The following SLC35D2 variants were observed in gnomAD, a reference collection of about 807,000 sequenced individuals.
SLC35D2 encodes nucleotide sugar transporter SLC35D2.
Under a neutral mutation model 41.8 loss-of-function variants are expected in SLC35D2, and 43 were observed. The observed-to-expected ratio is 1.03, with a 90% CI of 0.81 to 1.33. The LOEUF (loss-of-function observed/expected upper bound fraction) is 1.33. Among genes scored for constraint, SLC35D2 ranks in the 40% most tolerant of loss-of-function variants. The pLI, the probability that SLC35D2 is intolerant of heterozygous loss-of-function variation, is 0.00. For synonymous variants in SLC35D2, 150 were observed against 163.9 expected, an observed-to-expected ratio of 0.92 and a Z score of 0.65; for missense variants, 380 against 408.4, an observed-to-expected ratio of 0.93 and a Z score of 0.60.
chr9:96,372,438 T>C (rs1830740501), intron 1 of SLC35D2, among the ~76,000 whole-genome samples: 1 of 151,876 alleles, frequency 6.6e-6, no homozygotes, highest in Non-Finnish European at 1.5e-5. Context: ...ATAAAAAACA[T>C]CTTTGGGACA....
Position 96,345,385 on chromosome 9 carries a change from T to C in SLC35D2, c.505A>G (p.Asn169Asp). The stretch of plus-strand genomic sequence containing the variant: ...AATACAAAAATATAGCCTTCTAAGT[T>C]AAAAGCAAGGTCAGACCTGGGAGGG... ...FIAAGSDLAFNLEGYIFVFLN... is the reference protein window; with the variant it reads ...FIAAGSDLAFDLEGYIFVFLN... The change falls in exon 7 of 12, where the codon AAC (asparagine) becomes GAC (aspartate). Residue 169 changes from asparagine to aspartate, a missense_variant. Physicochemically the swap from Asn to Asp is conservative, Grantham distance 23. Transcript: ENST00000253270. 1 of 1,602,762 alleles carries C rather than the reference T, an allele frequency of 6.2e-7. No homozygotes were observed. Among genetic ancestry groups the C allele is most frequent in the Non-Finnish European group, 8.5e-7 (1 of 1,171,220 alleles).
At chr9:96,353,344 A>ATTATTTATTTATTTATTTATTTAT (rs71308273) in intron 4 of SLC35D2, among the ~76,000 whole-genome samples, 6 of 149,544 alleles carry the variant, frequency 4.0e-5, no homozygotes, top group African/African-American at 1.5e-4. Context: ...GCTGCAAAGG[A>ATTATTTATTTATTTATTTATTTAT]TTATTTATTT....
At chr9:96,355,516 G>A (rs1400642733) in intron 4 of SLC35D2, among the ~76,000 whole-genome samples, 1 of 144,348 alleles carries the variant, frequency 6.9e-6, no homozygotes, top group African/African-American at 2.6e-5. Context: ...TTTTTTTTTT[G>A]AGACGGAGTT....
At chr9:96,378,759 A>G (rs1478900909) in intron 1 of SLC35D2, among the ~76,000 whole-genome samples, 1 of 152,022 alleles carries the variant, frequency 6.6e-6, no homozygotes, top group African/African-American at 2.4e-5. Context: ...AAAAATTAAA[A>G]AAAAAAATTT....
intron 8 of SLC35D2, among the ~76,000 whole-genome samples, chr9:96,343,559 C>T (rs1406122378): frequency 1.3e-5 from 2 of 152,134 alleles, no homozygotes; most frequent in Non-Finnish European, 2.9e-5. Flanking sequence ...ATAAACAAAC[C>T]TATGTTTTAA....
intron 2 of SLC35D2, among the ~76,000 whole-genome samples, chr9:96,365,297 C>A (rs1830435124): frequency 6.6e-6 from 1 of 151,866 alleles, no homozygotes; most frequent in South Asian, 2.1e-4. Flanking sequence ...CTGCAGTGAG[C>A]CCAGTGAACT....
intron 2 of SLC35D2, among the ~76,000 whole-genome samples, chr9:96,365,031 C>A (rs895785735): frequency 2.1e-5 from 3 of 145,158 alleles, no homozygotes; most frequent in African/African-American, 7.7e-5. Flanking sequence ...GAGTGAGACA[C>A]CACTGTCTCA....
chr9:96,375,816 G>A (rs1194667040), intron 1 of SLC35D2, among the ~76,000 whole-genome samples: 6 of 151,642 alleles, frequency 4.0e-5, no homozygotes, highest in African/African-American at 1.2e-4. Context: ...TCAGGAGTTT[G>A]TGACCAGCCT....
chr9:96,358,105 T>TATATATATAC lies in SLC35D2; in HGVS notation c.347+2048_347+2049insGTATATATAT, dbSNP rs546410635. Among the ~76,000 whole-genome samples, 1,090 of 143,416 alleles carry TATATATATAC rather than the reference T, an allele frequency of 7.6e-3. 11 individuals carry two copies. The highest frequency in any genetic ancestry group is 0.029 in the Middle Eastern group (8 of 276). The allele number at this position is 143,416 out of a possible 152,430, so 94.1% of individuals were successfully genotyped here. A position where few individuals can be genotyped will look rare whatever the true frequency, so the allele number is the denominator to read the frequency against. The stretch of plus-strand genomic sequence containing the variant: ...TTATATATATATATATATATATATA[T>TATATATATAC]ATACCTGCAATGGAATATTAATCAG... On this transcript the variant is annotated intron_variant, in intron 4 of 11. Transcript: ENST00000253270.
chr9:96,322,368 A>G (rs1034706936), intron 10 of SLC35D2, among the ~76,000 whole-genome samples: 2 of 152,062 alleles, frequency 1.3e-5, no homozygotes, highest in South Asian at 4.1e-4. Flanking sequence ...AAAATTTTTT[A>G]AAAGTAGCCG....
chr9:96,345,193 T>C, intron 7 of SLC35D2, 106 bp downstream of exon 7: 1 of 612,884 alleles, frequency 1.6e-6, no homozygotes, highest in East Asian at 3.0e-5. Flanking sequence ...ACAGGTCATA[T>C]TATATAAATT....
At chr9:96,322,717 G>GTTTTTTTTTTTTT (rs57493593) in intron 10 of SLC35D2, among the ~76,000 whole-genome samples, 2 of 111,406 alleles carry the variant, frequency 1.8e-5, no homozygotes, top group Admixed American at 9.5e-5. Flanking sequence ...GTTTTCTGGG[G>GTTTTTTTTTTTTT]TTTTTTTTTT....
chr9:96,378,813 C>T (rs1304107314), intron 1 of SLC35D2, among the ~76,000 whole-genome samples: 1 of 151,988 alleles, frequency 6.6e-6, no homozygotes, highest in Middle Eastern at 3.2e-3. Context: ...CCTGTAGTCT[C>T]AGCTACTCAG....
At chr9:96,350,948 AG>A (rs1829785922) in intron 6 of SLC35D2, 154 bp downstream of exon 6, 1 of 560,690 alleles carries the variant, frequency 1.8e-6, no homozygotes, top group Admixed American at 3.1e-5. Context: ...TGACTTTCAT[AG>A]GAACACATGG....
At chr9:96,332,623 A>T (rs1828856372) in intron 9 of SLC35D2, among the ~76,000 whole-genome samples, 1 of 151,938 alleles carries the variant, frequency 6.6e-6, no homozygotes, top group African/African-American at 2.4e-5. Flanking sequence ...TGCTAAAAAT[A>T]CAAAAATTAG....
rs1280791388 is a variant in SLC35D2, at chr9:96,352,018, T to C, written c.419+20A>G. 1 of 1,568,238 alleles carries C rather than the reference T, an allele frequency of 6.4e-7. No individual in the cohort carries two copies. Among genetic ancestry groups the C allele is most frequent in the Non-Finnish European group, 8.8e-7 (1 of 1,139,936 alleles). On this transcript the variant is annotated intron_variant, in intron 5 of 11. Coordinates refer to ENST00000253270, the MANE Select transcript of SLC35D2 (RefSeq NM_007001.3). ...GTGGGTGGGAGGCACACTGGAAGAA[T>C]GGAGGAAAAACAAAATCACCCAAGT...
In SLC35D2 at chr9:96,320,946, A is replaced by T; in HGVS notation, c.*296T>A. The T allele has an allele frequency of 7.1e-6, 2 of 282,694 alleles. No individual in the cohort carries two copies. Among genetic ancestry groups the T allele is most frequent in the Non-Finnish European group, 1.3e-5 (2 of 149,276 alleles). The allele number at this position is 282,694 out of a possible 1,614,324, so 17.5% of individuals were successfully genotyped here. A position where few individuals can be genotyped will look rare whatever the true frequency, so the allele number is the denominator to read the frequency against. The stretch of plus-strand genomic sequence containing the variant: ...CTCCTCCCCAGCACACAGCACAGAG[A>T]TGCCACGAAGGCCCCATAGGTCCCT... On this transcript the variant is annotated 3_prime_UTR_variant, in exon 12 of 12. Coordinates refer to ENST00000253270, the MANE Select transcript of SLC35D2 (RefSeq NM_007001.3).
At chr9:96,332,277 G>A (rs1034389071) in intron 9 of SLC35D2, among the ~76,000 whole-genome samples, 44 of 152,184 alleles carry the variant, frequency 2.9e-4, no homozygotes, top group Admixed American at 7.9e-4. Flanking sequence ...CTTCGCACCC[G>A]TCAGGAGAGA....
At chr9:96,330,474 A>C (rs1413065959) in intron 9 of SLC35D2, among the ~76,000 whole-genome samples, 1 of 152,236 alleles carries the variant, frequency 6.6e-6, no homozygotes, top group Non-Finnish European at 1.5e-5. Context: ...GAATGAAGAC[A>C]GTAACAAAGA....
Sources: gnomAD v4.1 joint callset for allele counts (sites outside exome capture counted in the v4.1 genomes callset) on GRCh38, gnomAD v4.1.1 for gene constraint, MANE v1.5 for transcripts, NCBI Gene and HGNC (gene_info 2026-07-23, HGNC 2026-07-21) for gene names.